The following TNMD variants were observed in gnomAD, a reference collection of about 807,000 sequenced individuals.
TNMD encodes BRICHOS domain containing 4.
A neutral mutation model predicts 26.9 loss-of-function variants in TNMD; 15 were observed. That is an observed-to-expected ratio of 0.56 (90% CI 0.37 to 0.86). The LOEUF (loss-of-function observed/expected upper bound fraction) is 0.86, where lower values mean the gene tolerates loss of function less well. TNMD is among the 40% of genes least tolerant of loss of function. The pLI is 0.00. For synonymous variants in TNMD, 73 were observed against 77.0 expected (o/e 0.95, Z 0.27); for missense variants, 222 against 242.6 (o/e 0.92, Z 0.56).
In TNMD at chrX:100,594,270, G is replaced by C; in HGVS notation, c.331G>C (p.Gly111Arg). Residue 111 changes from glycine (G) to arginine (R), a missense_variant, in exon 4 of 7, where the codon GGC (glycine) becomes CGC (arginine). By Grantham distance (125) the Gly-to-Arg change is moderately radical (BLOSUM62 -2). Transcript: ENST00000373031. ...EVHDFKNGYT[G>R]IYFVGLQKCF... Reference sequence around the variant, plus strand: ...TTTGTCTGTTTTATAGGGATACACTGGCATCTACTTCGTGGGTCTTCAAAA... The same window carrying C: ...TTTGTCTGTTTTATAGGGATACACTCGCATCTACTTCGTGGGTCTTCAAAA... 8.4e-7 allele frequency: 1 copy of C among 1,189,374 alleles called. No individual in the cohort carries two copies. The highest frequency in any genetic ancestry group is 1.1e-6 in the Non-Finnish European group (1 of 880,335).
chrX:100,587,174 G>A (rs1400474653), intron 2 of TNMD, among the ~76,000 whole-genome samples: 2 of 112,372 alleles, frequency 1.8e-5, no homozygotes, highest in Non-Finnish European at 3.8e-5. Flanking sequence ...AGCTATAAAC[G>A]ACTAGGTGGA....
intron 5 of TNMD, among the ~76,000 whole-genome samples, chrX:100,598,374 T>A (rs745445660): frequency 8.9e-6 from 1 of 111,912 alleles, no homozygotes; most frequent in Non-Finnish European, 1.9e-5. Context: ...CAGTGTGGTA[T>A]CCTGGACTGG....
chrX:100,591,587 T>C (rs1408301608), intron 2 of TNMD, among the ~76,000 whole-genome samples: 1 of 111,652 alleles, frequency 9.0e-6, no homozygotes, highest in Non-Finnish European at 1.9e-5. Flanking sequence ...ATCATCTTCC[T>C]AGACGAAGAA....
At chrX:100,594,832 T>C (rs761347121) in intron 4 of TNMD, among the ~76,000 whole-genome samples, 10 of 112,149 alleles carry the variant, frequency 8.9e-5, no homozygotes, top group Admixed American at 7.6e-4. Flanking sequence ...AAGATTGTGG[T>C]TCATTCACCT....
intron 2 of TNMD, chrX:100,593,569 A>C: frequency 1.5e-5 from 2 of 133,845 alleles, no homozygotes; most frequent in Non-Finnish European, 2.5e-5. Flanking sequence ...TTCACGGGTG[A>C]GGGGCGGGGC....
rs764913432 is a variant in TNMD at position 100,594,053 on chromosome X, C to T, written c.321+18C>T. ...TTAAAAACGTAAGTTGGATGTTTTCCTCCTAAGGCTTTCCACTTAAAATAT... is the reference window on the plus strand; with the variant it reads ...TTAAAAACGTAAGTTGGATGTTTTCTTCCTAAGGCTTTCCACTTAAAATAT... On this transcript the variant is annotated intron_variant, in intron 3 of 6. Coordinates refer to ENST00000373031, the MANE Select transcript of TNMD (RefSeq NM_022144.3). 5.5e-5 allele frequency: 65 copies of T among 1,189,586 alleles called. No individual in the cohort carries two copies. In the African/African-American group the frequency reaches 1.1e-3, roughly 19 times the overall value.
intron 4 of TNMD, 143 bp downstream of exon 4, chrX:100,594,505 G>A (rs766999418): frequency 2.6e-6 from 1 of 383,811 alleles, no homozygotes; most frequent in Non-Finnish European, 4.2e-6. Context: ...ATCATTTTCA[G>A]ATCAGGAAAC....
Position 100,597,510 on chromosome X carries a change from G to T in TNMD, c.430G>T (p.Glu144Ter), listed in dbSNP as rs1229283576. The stretch of plus-strand genomic sequence containing the variant: ...AGCTACTTTCTTCTTTCAGAATGAA[G>T]AAATTACCACAACTTTCTTTGAACA... ...EPEEEIDENE[E>*]ITTTFFEQSV... The change falls in exon 5 of 7, where the codon GAA (glutamate) becomes TAA (stop). Residue 144 changes from glutamate to a stop codon, truncating the protein, a stop_gained. Coordinates refer to ENST00000373031, the MANE Select transcript of TNMD (RefSeq NM_022144.3). LOFTEE classifies it high-confidence loss of function. The T allele has an allele frequency of 1.7e-6, 2 of 1,211,465 alleles. No homozygotes were observed. Among genetic ancestry groups the T allele is most frequent in the Middle Eastern group, 2.3e-4 (1 of 4,354 alleles).
Position 100,597,576 on chromosome X carries a change from C to A in TNMD, c.496C>A (p.Arg166=), listed in dbSNP as rs760496189. The A allele has an allele frequency of 8.3e-7, 1 of 1,210,535 alleles. No individual in the cohort carries two copies. The highest frequency in any genetic ancestry group is 3.0e-5 in the East Asian group (1 of 33,831). The change falls in exon 5 of 7, where the codon CGA becomes AGA. Residue 166 remains arginine (R), a synonymous_variant. Coordinates refer to ENST00000373031, the MANE Select transcript of TNMD (RefSeq NM_022144.3). ...WVPAEKPIEN[R]DFLKNSKILE... ...CCCAGCAGAAAAGCCTATTGAAAAC[C>A]GAGATTTTCTTAAAAATTCCAAAAT...
At chrX:100,593,214 CTTG>C in intron 2 of TNMD, 1 of 336,270 alleles carries the variant, frequency 3.0e-6, no homozygotes, top group Non-Finnish European at 3.9e-6. Flanking sequence ...ATGCAGGACA[CTTG>C]GCTCAGTTGG....
intron 5 of TNMD, 37 bp downstream of exon 5, chrX:100,597,694 TAA>T: frequency 8.7e-7 from 1 of 1,155,201 alleles, no homozygotes; most frequent in Non-Finnish European, 1.2e-6. Flanking sequence ...TCCTATTTTC[TAA>T]GACAGTAACA....
chrX:100,598,441 G>C (rs2082958981), intron 5 of TNMD, among the ~76,000 whole-genome samples: 1 of 112,024 alleles, frequency 8.9e-6, no homozygotes, highest in Non-Finnish European at 1.9e-5. Flanking sequence ...AATAAAGTCT[G>C]TAGTTTAGTT....
chrX:100,596,493 T>C (rs2082953331), intron 4 of TNMD, among the ~76,000 whole-genome samples: 1 of 112,037 alleles, frequency 8.9e-6, no homozygotes, highest in African/African-American at 3.2e-5. Context: ...TTGTTTTTTA[T>C]ATTCACGCCA....
rs866286351 is a variant in TNMD at position 100,597,516 on chromosome X, A to G, written c.436A>G (p.Thr146Ala). The G allele has an allele frequency of 8.3e-7, 1 of 1,211,732 alleles. No individual in the cohort carries two copies. Residue 146 changes from threonine to alanine, a missense_variant, in exon 5 of 7, where the codon ACC (threonine) becomes GCC (alanine). Transcript: ENST00000373031. ...EEEIDENEEI[T>A]TTFFEQSVIW... is the part of the protein sequence containing the mutation. The stretch of plus-strand genomic sequence containing the variant: ...TTTCTTCTTTCAGAATGAAGAAATT[A>G]CCACAACTTTCTTTGAACAGTCAGT...
intron 2 of TNMD, chrX:100,593,453 A>T: frequency 1.5e-6 from 1 of 645,835 alleles, no homozygotes; most frequent in Non-Finnish European, 1.8e-6. Context: ...TAAAAGGAAT[A>T]GACTCAAGGC....
intron 2 of TNMD, among the ~76,000 whole-genome samples, chrX:100,589,381 AAG>A (rs1341483620): frequency 9.3e-6 from 1 of 107,942 alleles, no homozygotes; most frequent in Non-Finnish European, 1.9e-5. Flanking sequence ...AAAAAAAAAA[AAG>A]ACCTCTCTTC....
intron 4 of TNMD, 147 bp from the exon 5 acceptor site, chrX:100,597,354 CTGA>C: frequency 1.6e-6 from 1 of 642,007 alleles, no homozygotes; most frequent in East Asian, 3.5e-5. Context: ...AGGGCACCCA[CTGA>C]ATGCAAGGCA....
At chrX:100,593,847 T>G (rs914629865) in intron 2 of TNMD, 48 bp from the exon 3 acceptor site, 8 of 1,187,582 alleles carry the variant, frequency 6.7e-6, no homozygotes, top group Non-Finnish European at 9.1e-6. Flanking sequence ...CACCTCACTT[T>G]AGGGACACAC....
rs1457582029 is a variant in TNMD, at chrX:100,599,086, T to G, written c.648T>G (p.Ile216Met). 4 of 1,202,634 alleles carry G rather than the reference T, an allele frequency of 3.3e-6. No homozygotes were observed. In the East Asian group the frequency reaches 1.2e-4, roughly 36 times the overall value. The change falls in exon 6 of 7, where the codon ATT becomes ATG. Residue 216 changes from isoleucine to methionine, a missense_variant. Transcript: ENST00000373031. ...LHFPANEKKG[I>M]EQNEQWVVPQ... ...TTCCTGCCAACGAAAAAAAAGGGAT[T>G]GAACAAAATGAACAGTGGGTGGTCC...
Sources: allele counts gnomAD v4.1 joint callset (sites outside exome capture counted in the v4.1 genomes callset), GRCh38; gene constraint gnomAD v4.1.1; transcripts MANE v1.5; gene names NCBI Gene and HGNC (gene_info 2026-07-23, HGNC 2026-07-21).